COL9A3: variants seen among roughly 807,000 people sequenced by gnomAD.
COL9A3 encodes collagen alpha-3(IX) chain.
A neutral mutation model predicts 110.2 loss-of-function variants in COL9A3; 82 were observed. That is an observed-to-expected ratio of 0.74 (90% CI 0.62 to 0.89). The LOEUF (loss-of-function observed/expected upper bound fraction) is 0.89, where lower values mean the gene tolerates loss of function less well. COL9A3 is among the 40% of genes least tolerant of loss of function. The pLI is 0.00. For missense variants in COL9A3, 1,066 were observed against 981.3 expected, an observed-to-expected ratio of 1.09 and a Z score of -1.15; for synonymous variants, 494 against 403.8, an observed-to-expected ratio of 1.22 and a Z score of -2.68.
upstream of COL9A3, chr20:62,817,046 G>C: frequency 1.5e-6 from 2 of 1,305,812 alleles, no homozygotes; most frequent in Non-Finnish European, 9.8e-7. Context: ...CGACGCCGCA[G>C]CTCAGACTCC....
At chr20:62,824,886 C>A in intron 11 of COL9A3, 82 bp from the exon 12 acceptor site, 1 of 1,420,268 alleles carries the variant, frequency 7.0e-7, no homozygotes. Context: ...GGCTGACTGA[C>A]CCTGCAGGCC....
In COL9A3 at chr20:62,830,657, C is replaced by CCACCCCAGTCCCCAAACCCCT. The variant is rs1568759151; in HGVS notation, c.1287+69_1287+70insCACCCCAGTCCCCAAACCCCT. 5.7e-5 allele frequency: 51 copies of CCACCCCAGTCCCCAAACCCCT among 896,864 alleles called. 1 individual carries two copies. In the East Asian group the frequency reaches 8.9e-4, roughly 16 times the overall value. The allele number at this position is 896,864 out of a possible 1,614,324, so 55.6% of individuals were successfully genotyped here. A position where few individuals can be genotyped will look rare whatever the true frequency, so the allele number is the denominator to read the frequency against. On this transcript the variant is annotated intron_variant, in intron 24 of 31. Transcript: ENST00000649368. ...CCCATGTACCACAGTCCCCCACCCCCATGACAGTCCCCCAACCCCCACCAC... is the reference window on the plus strand; with the variant it reads ...CCCATGTACCACAGTCCCCCACCCCCCACCCCAGTCCCCAAACCCCTATGACAGTCCCCCAACCCCCACCAC...
At chr20:62,821,155 C>G in intron 5 of COL9A3, 26 bp from the exon 6 acceptor site, 1 of 1,611,976 alleles carries the variant, frequency 6.2e-7, no homozygotes, top group Non-Finnish European at 8.5e-7. Flanking sequence ...CCCAGCCCAA[C>G]CTAGACGCCT....
chr20:62,829,678 C>T lies in COL9A3; in HGVS notation c.1104C>T (p.Val368=), dbSNP rs1454936477. The part of the protein sequence containing the change: ...GEAGPSGEPG[V]PGDAGMPGER... Reference sequence around the variant, plus strand: ...CCGGCCCCTCTGGAGAGCCAGGCGTCCCTGTGAGTATCTGCGGCGCCCCAG... The same window carrying T: ...CCGGCCCCTCTGGAGAGCCAGGCGTTCCTGTGAGTATCTGCGGCGCCCCAG... The change falls in exon 21 of 32, where the codon GTC becomes GTT. Residue 368 remains valine (V), a synonymous_variant. Transcript: ENST00000649368. 2.5e-6 allele frequency: 4 copies of T among 1,608,978 alleles called. No homozygotes were observed. In the African/African-American group the frequency reaches 4.0e-5, roughly 16 times the overall value.
At chr20:62,819,426 G>A in intron 4 of COL9A3, 133 bp downstream of exon 4, 3 of 857,356 alleles carry the variant, frequency 3.5e-6, no homozygotes, top group East Asian at 5.3e-5. Flanking sequence ...GTCTCCAGAA[G>A]TCCCCAACAG....
At chr20:62,817,851 C>A in intron 2 of COL9A3, 2 of 674,366 alleles carry the variant, frequency 3.0e-6, no homozygotes, top group Non-Finnish European at 5.6e-6. Flanking sequence ...GGTCCTCCAC[C>A]CAGAATGCCG....
intron 10 of COL9A3, 117 bp downstream of exon 10, chr20:62,822,749 C>A: frequency 8.8e-7 from 1 of 1,135,686 alleles, no homozygotes; most frequent in Non-Finnish European, 1.3e-6. Context: ...CGAGCCCTCC[C>A]TGGGGACAGG....
rs1351586854 is a variant in COL9A3 at position 62,817,070 on chromosome 20, C to T, written c.6C>T (p.Ala2=). 8 of 1,378,546 alleles carry T rather than the reference C, an allele frequency of 5.8e-6. No individual in the cohort carries two copies. Among genetic ancestry groups the T allele is most frequent in the African/African-American group, 3.0e-5 (2 of 65,848 alleles). The allele number at this position is 1,378,546 out of a possible 1,614,324, so 85.4% of individuals were successfully genotyped here. The change falls in exon 1 of 32, where the codon GCC becomes GCT. Residue 2 remains alanine (A), a synonymous_variant. Coordinates refer to ENST00000649368, the MANE Select transcript of COL9A3 (RefSeq NM_001853.4). M[A]GPRACAPLLL... is the part of the protein sequence containing the mutation. ...AGCTCAGACTCCGCTCAGCCATGGC[C>T]GGGCCGCGCGCGTGCGCCCCGCTCC... is the stretch of plus-strand genomic sequence containing the variant.
intron 25 of COL9A3, 94 bp from the exon 26 acceptor site, chr20:62,832,926 A>C (rs2147221888): frequency 8.5e-7 from 1 of 1,178,786 alleles, no homozygotes; most frequent in East Asian, 2.4e-5. Flanking sequence ...GATGAACATT[A>C]CACCTACGGA....
In COL9A3 at chr20:62,840,690, G is replaced by T. The variant is rs1453492938; in HGVS notation, c.2013G>T (p.Val671=). 1.3e-6 allele frequency: 2 copies of T among 1,597,716 alleles called. No individual in the cohort carries two copies. Among genetic ancestry groups the T allele is most frequent in the South Asian group, 2.3e-5 (2 of 88,784 alleles). The part of the protein sequence containing the change: ...ICDTSACQGA[V]LGGVGEKSGS... ...ACACCTCAGCCTGCCAAGGAGCCGT[G>T]TTAGGAGGGGTCGGGGAGAAATCAG... is the stretch of plus-strand genomic sequence containing the variant. Residue 671 remains valine (V), a synonymous_variant, in exon 32 of 32, where the codon GTG becomes GTT. Coordinates refer to ENST00000649368, the MANE Select transcript of COL9A3 (RefSeq NM_001853.4).
At chr20:62,821,437 A>T in intron 6 of COL9A3, 70 bp from the exon 7 acceptor site, 1 of 1,601,722 alleles carries the variant, frequency 6.2e-7, no homozygotes, top group Non-Finnish European at 8.5e-7. Context: ...CACCTGAGCC[A>T]TCTTAGGGAG....
chr20:62,840,934 T>TA lies in COL9A3; in HGVS notation c.*204dup. On this transcript the variant is annotated 3_prime_UTR_variant, in exon 32 of 32. Transcript: ENST00000649368. ...ACAGCATACCTCAAAAGGCCCTAGC[T>TA]AATAAACCTGTAAGCCCAGCATTTG... The TA allele has an allele frequency of 1.7e-6, 1 of 604,010 alleles. No individual in the cohort carries two copies. 37.4% of individuals were successfully genotyped at this position (604,010 alleles called of 1,614,324 possible). A position where few individuals can be genotyped will look rare whatever the true frequency, so the allele number is the denominator to read the frequency against.
Position 62,832,173 on chromosome 20 carries a change from G to C in COL9A3, c.1307G>C (p.Gly436Ala). ...VGDRGPGGAA[G>A]PKGDQGIAGS... is the part of the protein sequence containing the mutation. Reference sequence around the variant, plus strand: ...ATCCAGGGTCCGGGAGGTGCCGCAGGCCCTAAGGGAGACCAGGTGAGCTGG... The same window carrying C: ...ATCCAGGGTCCGGGAGGTGCCGCAGCCCCTAAGGGAGACCAGGTGAGCTGG... Residue 436 changes from glycine (G) to alanine (A), a missense_variant, in exon 25 of 32, where the codon GGC becomes GCC. Transcript: ENST00000649368. 1.2e-6 allele frequency: 2 copies of C among 1,612,966 alleles called. No homozygotes were observed. The highest frequency in any genetic ancestry group is 1.7e-6 in the Non-Finnish European group (2 of 1,179,798).
intron 14 of COL9A3, 74 bp from the exon 15 acceptor site, chr20:62,826,693 C>T: frequency 6.5e-7 from 1 of 1,547,514 alleles, no homozygotes; most frequent in East Asian, 2.3e-5. Flanking sequence ...TCTGGGCCGC[C>T]CCTGAGGGAG....
chr20:62,817,951 T>C (rs1349258613), intron 2 of COL9A3: 1 of 457,896 alleles, frequency 2.2e-6, no homozygotes, highest in Non-Finnish European at 4.2e-6. Flanking sequence ...GAGAGGCACG[T>C]CCTTTGGGTG....
At chr20:62,833,173 G>C in intron 26 of COL9A3, 109 bp downstream of exon 26, 2 of 914,022 alleles carry the variant, frequency 2.2e-6, no homozygotes, top group East Asian at 4.9e-5. Flanking sequence ...CCCGGTGGAA[G>C]ATCGGCAGCT....
chr20:62,829,444 T>C lies in COL9A3; in HGVS notation c.1009-11T>C. ...AACTGGCAGCCCTGACCGCAAGCTC[T>C]CTCCTGGCAGGGCCTCCCTGGACGA... is the stretch of plus-strand genomic sequence containing the variant. On this transcript the variant is annotated splice_polypyrimidine_tract_variant and intron_variant, in intron 19 of 31. Transcript: ENST00000649368. The C allele has an allele frequency of 1.2e-6, 2 of 1,612,622 alleles. No homozygotes were observed. The highest frequency in any genetic ancestry group is 2.2e-5 in the South Asian group (2 of 91,078).
chr20:62,826,291 G>A, intron 14 of COL9A3, 34 bp downstream of exon 14: 1 of 1,537,234 alleles, frequency 6.5e-7, no homozygotes, highest in Non-Finnish European at 8.8e-7. Context: ...GGGCCGGCCA[G>A]GTGGCTGGGG....
chr20:62,826,652 C>T (rs2063555688), intron 14 of COL9A3, 115 bp from the exon 15 acceptor site: 2 of 1,134,572 alleles, frequency 1.8e-6, no homozygotes, highest in South Asian at 1.3e-5. Flanking sequence ...GGGGAACTTG[C>T]TGGGGAGCCC....
Sources: allele counts gnomAD v4.1 joint callset, GRCh38; gene constraint gnomAD v4.1.1; transcripts MANE v1.5; gene names NCBI Gene and HGNC (gene_info 2026-07-23, HGNC 2026-07-21).